VPS41: variants seen among roughly 807,000 people sequenced by gnomAD.
VPS41 encodes the protein VPS41 subunit of HOPS complex.
In VPS41, 85 loss-of-function variants were observed where a neutral mutation model predicts 130.9. That is an observed-to-expected ratio of 0.65 (90% CI 0.55 to 0.78). The LOEUF is 0.78. Among genes scored for constraint, VPS41 ranks in the 30% least tolerant of loss-of-function variants. The pLI is 0.00. For missense variants in VPS41, 874 were observed against 1,018.7 expected (o/e 0.86, Z 1.93); for synonymous variants, 335 against 332.9 (o/e 1.01, Z -0.07).
chr7:38,752,329 G>C lies in VPS41; in HGVS notation c.1789-16C>G. 1 of 1,613,216 alleles carries C rather than the reference G, an allele frequency of 6.2e-7. No individual in the cohort carries two copies. ...TATGCAAATACTAAAAGGAACAAAA[G>C]ATAAGCCGTGACCCATTAAAATGAG... On this transcript the variant is annotated splice_polypyrimidine_tract_variant and intron_variant, in intron 21 of 28. Coordinates refer to ENST00000310301, the MANE Select transcript of VPS41 (RefSeq NM_014396.4).
At chr7:38,730,215 C>T (rs1017788502) in intron 25 of VPS41, among the ~76,000 whole-genome samples, 3 of 152,156 alleles carry the variant, frequency 2.0e-5, no homozygotes, top group African/African-American at 4.8e-5. Context: ...AAGTCACTCT[C>T]GACTTGACAA....
chr7:38,870,429 C>T (rs1257591638), intron 2 of VPS41, among the ~76,000 whole-genome samples: 1 of 152,086 alleles, frequency 6.6e-6, no homozygotes, highest in Non-Finnish European at 1.5e-5. Flanking sequence ...CCCTGGTCCC[C>T]AGAGGACACA....
intron 7 of VPS41, among the ~76,000 whole-genome samples, chr7:38,809,911 G>A (rs1350150978): frequency 1.3e-5 from 2 of 151,362 alleles, no homozygotes; most frequent in South Asian, 4.2e-4. Context: ...GACAGGGAAA[G>A]CTGGACAATT....
intron 3 of VPS41, among the ~76,000 whole-genome samples, 167 bp from the exon 4 acceptor site, chr7:38,862,789 A>G (rs550621604): frequency 6.6e-6 from 1 of 152,346 alleles, no homozygotes; most frequent in Admixed American, 6.5e-5. Context: ...CTGGGAAATA[A>G]CAGAACAGGG....
chr7:38,729,440 C>T (rs879467415), intron 25 of VPS41, among the ~76,000 whole-genome samples: 3 of 152,040 alleles, frequency 2.0e-5, no homozygotes, highest in Non-Finnish European at 4.4e-5. Context: ...TATTAACTGA[C>T]TATAATAACC....
At chr7:38,847,642 A>T (rs1414872329) in intron 4 of VPS41, among the ~76,000 whole-genome samples, 1 of 152,208 alleles carries the variant, frequency 6.6e-6, no homozygotes, top group Non-Finnish European at 1.5e-5. Flanking sequence ...AGAAAGCCAA[A>T]CATATAGCAG....
chr7:38,734,306 T>G (rs1360172895), intron 25 of VPS41, among the ~76,000 whole-genome samples: 1 of 152,206 alleles, frequency 6.6e-6, no homozygotes. Flanking sequence ...TACTCCAGGA[T>G]TCTTGTTTTC....
At chr7:38,853,069 A>G (rs1165986268) in intron 4 of VPS41, among the ~76,000 whole-genome samples, 2 of 152,158 alleles carry the variant, frequency 1.3e-5, no homozygotes, top group African/African-American at 4.8e-5. Context: ...CACAATATAC[A>G]TGAAGACAAG....
At chr7:38,898,955 GAA>G (rs11313592) in intron 1 of VPS41, among the ~76,000 whole-genome samples, 2 of 152,116 alleles carry the variant, frequency 1.3e-5, no homozygotes, top group East Asian at 3.8e-4. Flanking sequence ...CAAAGAACAA[GAA>G]AAAAATGGGG....
intron 4 of VPS41, among the ~76,000 whole-genome samples, chr7:38,832,924 C>T (rs1785420877): frequency 1.3e-5 from 2 of 152,280 alleles, no homozygotes; most frequent in South Asian, 4.1e-4. Context: ...TATATCTGTA[C>T]TTGGATGCCT....
At chr7:38,862,319 T>C (rs914702602) in intron 4 of VPS41, among the ~76,000 whole-genome samples, 1 of 152,166 alleles carries the variant, frequency 6.6e-6, no homozygotes, top group Non-Finnish European at 1.5e-5. Flanking sequence ...ATATAAAAGA[T>C]ACCCAGTCAA....
At chr7:38,865,457 C>T (rs898481655) in intron 3 of VPS41, among the ~76,000 whole-genome samples, 3 of 151,718 alleles carry the variant, frequency 2.0e-5, no homozygotes, top group Non-Finnish European at 4.4e-5. Context: ...CTCTATAATA[C>T]GCTTAGACAA....
intron 2 of VPS41, among the ~76,000 whole-genome samples, chr7:38,883,855 T>A (rs1786665240): frequency 6.6e-6 from 1 of 152,210 alleles, no homozygotes. Flanking sequence ...ATAATTTTTA[T>A]AATATATGCT....
At chr7:38,754,662 G>A (rs748433631) in intron 21 of VPS41, 40 bp downstream of exon 21, 2 of 1,567,448 alleles carry the variant, frequency 1.3e-6, no homozygotes, top group South Asian at 2.2e-5. Context: ...TCACCCACTG[G>A]TCAATCAAAA....
intron 7 of VPS41, among the ~76,000 whole-genome samples, chr7:38,810,100 T>C (rs1784913383): frequency 7.1e-6 from 1 of 141,084 alleles, no homozygotes; most frequent in Non-Finnish European, 1.6e-5. Flanking sequence ...ATGTGCTTTC[T>C]CTTTTTTTTT....
intron 2 of VPS41, among the ~76,000 whole-genome samples, chr7:38,894,222 G>T (rs2116425668): frequency 6.6e-6 from 1 of 152,256 alleles, no homozygotes; most frequent in Admixed American, 6.5e-5. Context: ...GGACTGAGTG[G>T]TGTCTCAAAA....
At chr7:38,864,939 A>C (rs1421051208) in intron 3 of VPS41, among the ~76,000 whole-genome samples, 1 of 152,134 alleles carries the variant, frequency 6.6e-6, no homozygotes, top group East Asian at 1.9e-4. Context: ...AAGTAACTTA[A>C]GTAACTGATA....
chr7:38,786,159 A>ACCATGAT lies in VPS41; in HGVS notation c.784+3635_784+3641dup, dbSNP rs542639256. Among the ~76,000 whole-genome samples, 358 of 152,324 alleles carry ACCATGAT rather than the reference A, an allele frequency of 2.4e-3. 1 individual carries two copies. The highest frequency in any genetic ancestry group is 8.4e-3 in the African/African-American group (350 of 41,568). On this transcript the variant is annotated intron_variant, in intron 10 of 28. Transcript: ENST00000310301. ...GGAAACATGGGAAGCACTGTGTGACACCATGATTACAAGCAACAACTTTAC... is the reference window on the plus strand; with the variant it reads ...GGAAACATGGGAAGCACTGTGTGACACCATGATCCATGATTACAAGCAACAACTTTAC...
At chr7:38,737,536 C>T (rs1795793183) in intron 25 of VPS41, among the ~76,000 whole-genome samples, 1 of 152,162 alleles carries the variant, frequency 6.6e-6, no homozygotes, top group Admixed American at 6.5e-5. Context: ...GCACCAAGTG[C>T]ACAGGCTTGG....
Sources: gnomAD v4.1 joint callset for allele counts (sites outside exome capture counted in the v4.1 genomes callset) on GRCh38, gnomAD v4.1.1 for gene constraint, MANE v1.5 for transcripts, NCBI Gene and HGNC (gene_info 2026-07-23, HGNC 2026-07-21) for gene names.